The following C12orf42 variants were observed in gnomAD, a reference collection of about 807,000 sequenced individuals.
C12orf42 encodes chromosome 12 open reading frame 42, also known as uncharacterized protein C12orf42.
C12orf42 carries 25 observed loss-of-function variants against 21.6 expected under a neutral mutation model. The observed-to-expected ratio is 1.16, with a 90% CI of 0.84 to 1.62. The LOEUF is 1.62. Among genes scored for constraint, C12orf42 ranks in the 40% most tolerant of loss-of-function variants. C12orf42 has a pLI of 0.00. For synonymous variants in C12orf42, 174 were observed against 175.0 expected, an observed-to-expected ratio of 0.99 and a Z score of 0.05; for missense variants, 483 against 459.3, an observed-to-expected ratio of 1.05 and a Z score of -0.47.
intron 3 of C12orf42, among the ~76,000 whole-genome samples, chr12:103,386,548 A>G (rs2046624030): frequency 1.3e-5 from 2 of 152,204 alleles, no homozygotes; most frequent in East Asian, 3.8e-4. Flanking sequence ...GTCCTCTACC[A>G]CTGGCAGTCT....
rs533880432 is a variant in C12orf42 at position 103,465,928 on chromosome 12, T to C, written c.78+12421A>G. ...TGATTTGTGCATGTTGAACCAGCCTTGCATCCTGGGGATGAAGCCCACTTG... is the reference window on the plus strand; with the variant it reads ...TGATTTGTGCATGTTGAACCAGCCTCGCATCCTGGGGATGAAGCCCACTTG... On this transcript the variant is annotated intron_variant, in intron 2 of 5. Coordinates refer to ENST00000548883, the MANE Select transcript of C12orf42 (RefSeq NM_198521.5). Among the ~76,000 whole-genome samples, 8 of 152,344 alleles carry C rather than the reference T, an allele frequency of 5.3e-5. No individual in the cohort carries two copies. The South Asian group carries it at 1.7e-3, about 32-fold the overall frequency.
the C12orf42 span, among the ~76,000 whole-genome samples, chr12:103,074,095 A>G: frequency 3.9e-5 from 6 of 152,324 alleles, no homozygotes; most frequent in African/African-American, 1.4e-4. Context: ...CTACAGACAA[A>G]TAAAAGGTAA....
At chr12:103,057,067 G>A in the C12orf42 span, among the ~76,000 whole-genome samples, 27 of 152,022 alleles carry the variant, frequency 1.8e-4, no homozygotes, top group Middle Eastern at 3.4e-3. Flanking sequence ...ATTTTTAATT[G>A]AAAGCTGAAT....
chr12:103,202,332 C>T, the C12orf42 span, among the ~76,000 whole-genome samples: 1 of 152,014 alleles, frequency 6.6e-6, no homozygotes, highest in Non-Finnish European at 1.5e-5. Context: ...CTTTTGAGAC[C>T]CATTTACTCA....
the C12orf42 span, among the ~76,000 whole-genome samples, chr12:103,524,498 G>A: frequency 2.6e-5 from 4 of 152,332 alleles, no homozygotes; most frequent in East Asian, 7.7e-4. Context: ...ACCAAGCACA[G>A]CTAAACCCTG....
chr12:103,181,465 A>C, the C12orf42 span, among the ~76,000 whole-genome samples: 2 of 152,172 alleles, frequency 1.3e-5, no homozygotes, highest in Non-Finnish European at 2.9e-5. Context: ...ACTCAACAAC[A>C]ACAAAATAGA....
chr12:103,121,255 A>G, the C12orf42 span, among the ~76,000 whole-genome samples: 1,096 of 152,348 alleles, frequency 7.2e-3, 30 homozygotes, highest in East Asian at 0.064. Flanking sequence ...GAACTGATTT[A>G]TTAAAAATAA....
chr12:103,178,421 C>T, the C12orf42 span: 1 of 152,180 alleles, frequency 6.6e-6, no homozygotes. Context: ...GGTCAATTGT[C>T]TTTTCACCTG....
rs74811615 is a variant in C12orf42 at position 103,451,895 on chromosome 12, T to C, written c.78+26454A>G. Among the ~76,000 whole-genome samples the C allele has an allele frequency of 4.2e-3, 645 of 152,110 alleles. 8 individuals carry two copies. Among genetic ancestry groups the C allele is most frequent in the African/African-American group, 0.015 (615 of 41,478 alleles). On this transcript the variant is annotated intron_variant, in intron 2 of 5. Coordinates refer to ENST00000548883, the MANE Select transcript of C12orf42 (RefSeq NM_198521.5). ...GTTCCAAAACCAATATTACATACTT[T>C]AGGTTTTTGTTATAACAGCACTCAA...
chr12:103,263,032 C>T (rs2034977997), intron 10 of C12orf42, among the ~76,000 whole-genome samples: 1 of 152,124 alleles, frequency 6.6e-6, no homozygotes, highest in South Asian at 2.1e-4. Context: ...AACCATCATT[C>T]TCAGCAAGAT....
At chr12:103,202,809 T>G in the C12orf42 span, among the ~76,000 whole-genome samples, 1 of 152,144 alleles carries the variant, frequency 6.6e-6, no homozygotes. Context: ...ATTGACATAG[T>G]AAGTGGTGAG....
intron 2 of C12orf42, among the ~76,000 whole-genome samples, chr12:103,418,480 T>C (rs2049566405): frequency 6.6e-6 from 1 of 152,202 alleles, no homozygotes; most frequent in Non-Finnish European, 1.5e-5. Context: ...TATCTATCTT[T>C]GTATTCCTGG....
At chr12:103,389,110 AG>A (rs1285989349) in intron 3 of C12orf42, among the ~76,000 whole-genome samples, 2 of 152,202 alleles carry the variant, frequency 1.3e-5, no homozygotes, top group Non-Finnish European at 2.9e-5. Flanking sequence ...CCCTCTTACC[AG>A]AGCAGGAAAT....
the C12orf42 span, among the ~76,000 whole-genome samples, chr12:103,169,355 T>A: frequency 4.0e-5 from 6 of 151,636 alleles, no homozygotes; most frequent in African/African-American, 1.5e-4. Context: ...AGAGACCCAT[T>A]CCGAACCTCT....
chr12:103,532,928 G>C, the C12orf42 span, among the ~76,000 whole-genome samples: 6 of 152,206 alleles, frequency 3.9e-5, no homozygotes, highest in Admixed American at 6.5e-5. Context: ...GCAAGGTGAA[G>C]CGCGGATCAC....
At chr12:103,479,197 C>T (rs527826741) in intron 1 of C12orf42, among the ~76,000 whole-genome samples, 69 of 152,176 alleles carry the variant, frequency 4.5e-4, no homozygotes, top group East Asian at 1.2e-3. Context: ...TTTAAAAGAT[C>T]TCAGAATAGA....
At chr12:103,554,160 C>G in the C12orf42 span, among the ~76,000 whole-genome samples, 1 of 152,072 alleles carries the variant, frequency 6.6e-6, no homozygotes, top group Non-Finnish European at 1.5e-5. Context: ...CAGCTATAGA[C>G]AATCCATAAG....
upstream of C12orf42, among the ~76,000 whole-genome samples, chr12:103,498,589 T>G (rs774476732): frequency 6.6e-6 from 1 of 152,184 alleles, no homozygotes; most frequent in Non-Finnish European, 1.5e-5. Flanking sequence ...ATCTCACTTA[T>G]GTATGGAATA....
intron 10 of C12orf42, among the ~76,000 whole-genome samples, chr12:103,239,219 C>A (rs943466921): frequency 6.6e-6 from 1 of 152,152 alleles, no homozygotes; most frequent in Non-Finnish European, 1.5e-5. Context: ...ACACATACAA[C>A]GCTCATGAAA....
Sources: gnomAD v4.1 joint callset for allele counts (sites outside exome capture counted in the v4.1 genomes callset) on GRCh38, gnomAD v4.1.1 for gene constraint, MANE v1.5 for transcripts, NCBI Gene and HGNC (gene_info 2026-07-23, HGNC 2026-07-21) for gene names.